The following STAU1 variants were observed in gnomAD, a reference collection of about 807,000 sequenced individuals.
The protein encoded by STAU1 is staufen double-stranded RNA binding protein 1, also known as double-stranded RNA-binding protein Staufen homolog 1.
Under a neutral mutation model 62.9 loss-of-function variants are expected in STAU1, and 13 were observed. The ratio of observed to expected loss-of-function variants is 0.21; its 90% confidence interval spans 0.13 to 0.33. The LOEUF (loss-of-function observed/expected upper bound fraction) is 0.33, where lower values mean the gene tolerates loss of function less well. STAU1 is among the 10% of genes least tolerant of loss of function. The pLI, the probability that STAU1 is intolerant of heterozygous loss-of-function variation, is 1.00. For synonymous variants in STAU1, 269 were observed against 265.1 expected (o/e 1.01, Z -0.14); for missense variants, 571 against 712.1 (o/e 0.80, Z 2.25).
the STAU1 span, among the ~76,000 whole-genome samples, chr20:49,204,147 A>T: frequency 1.3e-5 from 2 of 149,968 alleles, no homozygotes; most frequent in African/African-American, 4.9e-5. Context: ...TTAGAGTCTC[A>T]CTCTGTCACT....
Position 49,125,089 on chromosome 20 carries a change from A to AAAC in STAU1, c.610-505_610-503dup, listed in dbSNP as rs1240687762. On this transcript the variant is annotated intron_variant, in intron 6 of 13. Coordinates refer to ENST00000371856, the MANE Select transcript of STAU1 (RefSeq NM_017453.4). ...CATTAAGTAAAAAAAAAAAAAAAAAAAACCCACAAAAGAGTATATGGTATG... is the reference window on the plus strand; with the variant it reads ...CATTAAGTAAAAAAAAAAAAAAAAAAAACAACCCACAAAAGAGTATATGGTATG... 1.3e-4 allele frequency among the ~76,000 whole-genome samples: 20 copies of AAAC among 149,852 alleles called. 2 individuals carry two copies. The highest frequency in any genetic ancestry group is 4.4e-4 in the African/African-American group (18 of 40,620).
chr20:49,181,766 C>CAAAAAAAAAAAAAAAAAAAAA (rs758956478), intron 1 of STAU1, among the ~76,000 whole-genome samples: 1 of 24,522 alleles, frequency 4.1e-5, no homozygotes, highest in Non-Finnish European at 7.1e-5. Context: ...ACTATCTCAA[C>CAAAAAAAAAAAAAAAAAAAAA]AAAAAAAAAA....
At position 49,124,578 on chromosome 20, in the gene STAU1, C is replaced by G; in HGVS notation, c.619G>C (p.Glu207Gln). Reference sequence around the variant, plus strand: ...TTCTTCATGTGGGGTGGGCCACTCTCCCGGGCCACCTGTTTCAGAGGGAAA... The same window carrying G: ...TTCTTCATGTGGGGTGGGCCACTCTGCCGGGCCACCTGTTTCAGAGGGAAA... ...NLPVNFEVAR[E>Q]SGPPHMKNFV... Residue 207 changes from glutamate to glutamine, a missense_variant, in exon 7 of 14, where the codon GAG (glutamate) becomes CAG (glutamine). Physicochemically the swap from Glu to Gln is conservative, Grantham distance 29 (BLOSUM62 2). Around this residue, in one of 3 missense-constraint regions of STAU1, gnomAD observed 414 missense variants for 499.6 expected, o/e 0.83. Coordinates refer to ENST00000371856, the MANE Select transcript of STAU1 (RefSeq NM_017453.4). The G allele has an allele frequency of 6.2e-7, 1 of 1,613,876 alleles. No individual in the cohort carries two copies. The highest frequency in any genetic ancestry group is 8.5e-7 in the Non-Finnish European group (1 of 1,180,016).
intron 1 of STAU1, among the ~76,000 whole-genome samples, chr20:49,176,334 C>A (rs1433487035): frequency 6.6e-6 from 1 of 152,162 alleles, no homozygotes; most frequent in East Asian, 1.9e-4. Flanking sequence ...AAGTCCAAAT[C>A]ATAATCATTT....
Position 49,115,821 on chromosome 20 carries a change from C to T in STAU1, c.1679G>A (p.Ser560Asn). The T allele has an allele frequency of 6.2e-7, 1 of 1,614,118 alleles. No individual in the cohort carries two copies. The highest frequency in any genetic ancestry group is 1.1e-5 in the South Asian group (1 of 91,086). The stretch of plus-strand genomic sequence containing the variant: ...GTTTCCTGTTCTTGGCATCTCTGTA[C>T]TTTGTTGGTCCAACTCAGACAGCAA... ...LKLLSELDQQ[S>N]TEMPRTGNGP... The change falls in exon 13 of 14, where the codon AGT becomes AAT. Residue 560 changes from serine (S) to asparagine (N), a missense_variant. Physicochemically the swap from Ser to Asn is conservative, Grantham distance 46. Transcript: ENST00000371856.
At chr20:49,149,561 C>A (rs2093204312) in intron 5 of STAU1, among the ~76,000 whole-genome samples, 1 of 152,160 alleles carries the variant, frequency 6.6e-6, no homozygotes, top group Non-Finnish European at 1.5e-5. Context: ...ATTAGATTAG[C>A]AACAGTCAAG....
Position 49,118,113 on chromosome 20 carries a change from C to T in STAU1, c.1190-17G>A, listed in dbSNP as rs775524471. ...CTTTATTACCTGGGAGGGACATACA[C>T]GGTAAACACGAATCCACATCCACAG... On this transcript the variant is annotated splice_polypyrimidine_tract_variant and intron_variant, in intron 10 of 13. Transcript: ENST00000371856. The T allele has an allele frequency of 2.4e-5, 39 of 1,605,782 alleles. No individual in the cohort carries two copies. The highest frequency in any genetic ancestry group is 6.6e-5 in the South Asian group (6 of 90,810).
At chr20:49,210,810 T>C in the STAU1 span, among the ~76,000 whole-genome samples, 1 of 152,222 alleles carries the variant, frequency 6.6e-6, no homozygotes, top group Admixed American at 6.6e-5. Context: ...TTGAAGTGAA[T>C]TCACATAATA....
intron 5 of STAU1, among the ~76,000 whole-genome samples, chr20:49,143,744 AC>A (rs1486802189): frequency 1.3e-5 from 2 of 152,254 alleles, no homozygotes; most frequent in Non-Finnish European, 2.9e-5. Flanking sequence ...CAAATAATTT[AC>A]CAAATAAAAG....
Position 49,158,079 on chromosome 20 carries a change from C to T in STAU1, c.206-4008G>A, listed in dbSNP as rs527397533. On this transcript the variant is annotated intron_variant, in intron 3 of 13. Transcript: ENST00000371856. ...GGCAGATCACCTGAGGTCAGGAGTT[C>T]AAGACCCGCCTGGCCAACATGGTGA... Among the ~76,000 whole-genome samples, 289 of 151,790 alleles carry T rather than the reference C, an allele frequency of 1.9e-3. 4 individuals are homozygous for T. The highest frequency in any genetic ancestry group is 3.4e-3 in the Middle Eastern group (1 of 294).
At chr20:49,158,825 C>G in intron 3 of STAU1, 1 of 685,722 alleles carries the variant, frequency 1.5e-6, no homozygotes. Context: ...AAAAGCCGGG[C>G]GCGGTGGCTC....
At chr20:49,120,685 CA>C (rs1037060510) in intron 8 of STAU1, among the ~76,000 whole-genome samples, 2 of 152,158 alleles carry the variant, frequency 1.3e-5, no homozygotes, top group African/African-American at 4.8e-5. Flanking sequence ...GTAACTAGCA[CA>C]AAAAACTGAA....
chr20:49,151,144 G>A (rs1355492041), intron 5 of STAU1, among the ~76,000 whole-genome samples: 2 of 152,154 alleles, frequency 1.3e-5, no homozygotes, highest in African/African-American at 4.8e-5. Flanking sequence ...TCTGTTATGA[G>A]GCAAAAGGTA....
At chr20:49,141,902 T>C (rs966767256) in intron 5 of STAU1, among the ~76,000 whole-genome samples, 6 of 152,098 alleles carry the variant, frequency 3.9e-5, no homozygotes, top group African/African-American at 1.4e-4. Context: ...CTCATATACC[T>C]CATTCTCAGA....
At chr20:49,162,569 T>A (rs998030906) in intron 3 of STAU1, among the ~76,000 whole-genome samples, 15 of 151,404 alleles carry the variant, frequency 9.9e-5, no homozygotes, top group Admixed American at 2.6e-4. Context: ...GGTCAGAAGA[T>A]CAAAACCATC....
chr20:49,136,054 G>A (rs117001722), intron 5 of STAU1, 123 bp from the exon 6 acceptor site: 15,227 of 687,318 alleles, frequency 0.022, 422 homozygotes, highest in East Asian at 0.087. Context: ...GAGCCCAGGA[G>A]TCTGAGACCA....
At chr20:49,129,116 GAC>G (rs2092695728) in intron 6 of STAU1, among the ~76,000 whole-genome samples, 1 of 151,072 alleles carries the variant, frequency 6.6e-6, no homozygotes, top group African/African-American at 2.4e-5. Flanking sequence ...ATAATAAAAA[GAC>G]ACTCAAAAAA....
the STAU1 span, among the ~76,000 whole-genome samples, chr20:49,200,306 A>G: frequency 6.6e-6 from 1 of 152,192 alleles, no homozygotes; most frequent in African/African-American, 2.4e-5. Flanking sequence ...GTAATAATAA[A>G]GAACAGGAGC....
rs2093404977 is a variant in STAU1 at position 49,158,824 on chromosome 20, G to A, written c.206-4753C>T. On this transcript the variant is annotated intron_variant, in intron 3 of 13. Coordinates refer to ENST00000371856, the MANE Select transcript of STAU1 (RefSeq NM_017453.4). ...CCATTTCAAAATAAAAAAAAGCCGG[G>A]CGCGGTGGCTCATGCCTGTAATCCC... 14 of 686,204 alleles carry A rather than the reference G, an allele frequency of 2.0e-5. No homozygotes were observed. In the South Asian group the frequency reaches 2.5e-4, roughly 12 times the overall value. 42.5% of individuals were successfully genotyped at this position (686,204 alleles called of 1,614,324 possible).
Sources: allele counts gnomAD v4.1 joint callset (sites outside exome capture counted in the v4.1 genomes callset), GRCh38; gene constraint gnomAD v4.1.1; regional missense constraint gnomAD v4.1.1; transcripts MANE v1.5; gene names NCBI Gene and HGNC (gene_info 2026-07-23, HGNC 2026-07-21).